Variants in UBAC2 observed in about 807,000 individuals in gnomAD.
UBAC2 encodes UBA domain containing 2.
In UBAC2, 26 loss-of-function variants were observed where a neutral mutation model predicts 44.0. The observed-to-expected ratio is 0.59, with a 90% CI of 0.43 to 0.82. The LOEUF (loss-of-function observed/expected upper bound fraction) is 0.82. Among genes scored for constraint, UBAC2 ranks in the 40% least tolerant of loss-of-function variants. UBAC2 has a pLI of 0.00. For synonymous variants in UBAC2, 155 were observed against 154.3 expected (o/e 1.00, Z -0.04); for missense variants, 329 against 419.4 (o/e 0.78, Z 1.88).
At chr13:99,351,830 T>A (rs2045095139) in intron 7 of UBAC2, 1 of 453,562 alleles carries the variant, frequency 2.2e-6, no homozygotes, top group East Asian at 7.0e-5. Context: ...CCTCCTCATC[T>A]CATTGGGCTG....
At chr13:99,355,558 C>G (rs1038699071) in intron 7 of UBAC2, among the ~76,000 whole-genome samples, 1 of 152,246 alleles carries the variant, frequency 6.6e-6, no homozygotes, top group Non-Finnish European at 1.5e-5. Context: ...CTCACCACCA[C>G]CTCCTCCTCA....
intron 1 of UBAC2, chr13:99,201,508 G>A (rs2043217826): frequency 6.2e-7 from 1 of 1,614,200 alleles, no homozygotes; most frequent in Non-Finnish European, 8.5e-7. Context: ...TCGTGGCGAG[G>A]GAGCGCAGCT....
intron 8 of UBAC2, among the ~76,000 whole-genome samples, chr13:99,368,283 T>G (rs1339750379): frequency 1.3e-5 from 2 of 152,198 alleles, no homozygotes; most frequent in African/African-American, 4.8e-5. Flanking sequence ...TGAGTCATGT[T>G]AATGTTTTAC....
chr13:99,297,128 T>C (rs550780695), intron 4 of UBAC2, among the ~76,000 whole-genome samples: 1 of 152,336 alleles, frequency 6.6e-6, no homozygotes, highest in South Asian at 2.1e-4. Flanking sequence ...TTTCCAATTC[T>C]TTTCTTGTTA....
At chr13:99,361,346 A>G (rs547656374) in intron 7 of UBAC2, among the ~76,000 whole-genome samples, 1 of 152,350 alleles carries the variant, frequency 6.6e-6, no homozygotes, top group Non-Finnish European at 1.5e-5. Flanking sequence ...AACCCTACGT[A>G]AAGAGCAGAT....
At chr13:99,237,599 A>G (rs529531780) in intron 1 of UBAC2, among the ~76,000 whole-genome samples, 2 of 152,364 alleles carry the variant, frequency 1.3e-5, no homozygotes, top group South Asian at 4.1e-4. Flanking sequence ...ACACTAATCT[A>G]TCGTACGTTT....
chr13:99,214,038 C>T (rs760211495), intron 1 of UBAC2, among the ~76,000 whole-genome samples: 1 of 151,816 alleles, frequency 6.6e-6, no homozygotes, highest in Admixed American at 6.6e-5. Context: ...AGGCTGGTCT[C>T]GAACTCCCAA....
chr13:99,321,593 G>T (rs373789570), intron 6 of UBAC2, among the ~76,000 whole-genome samples: 2 of 152,206 alleles, frequency 1.3e-5, no homozygotes, highest in Non-Finnish European at 2.9e-5. Context: ...GTGAGCCACC[G>T]TGTCTGGCCT....
intron 4 of UBAC2, chr13:99,256,236 G>A (rs549874977): frequency 6.1e-6 from 1 of 163,474 alleles, no homozygotes; most frequent in East Asian, 1.7e-4. Context: ...ACTCTAGTTT[G>A]TAATTCTCTA....
At position 99,367,767 on chromosome 13, in the gene UBAC2, G is replaced by A. The variant is rs767841085; in HGVS notation, c.808-20G>A. On this transcript the variant is annotated intron_variant, in intron 7 of 8. Transcript: ENST00000403766. ...TCTGCTCCTTCTGTGTCTGATAACT[G>A]TGTGTTGATCTCTTTTTAGGGAGGA... 1.2e-6 allele frequency: 2 copies of A among 1,613,878 alleles called. No homozygotes were observed. The highest frequency in any genetic ancestry group is 1.7e-6 in the Non-Finnish European group (2 of 1,179,840).
Position 99,385,410 on chromosome 13 carries a change from G to A in UBAC2, c.*75G>A. ...TGGTCCCCACCATCAGATCAGCCCGGGGACCGAGCATCTCTGGTGCTGATG... is the reference window on the plus strand; with the variant it reads ...TGGTCCCCACCATCAGATCAGCCCGAGGACCGAGCATCTCTGGTGCTGATG... On this transcript the variant is annotated 3_prime_UTR_variant, in exon 9 of 9. Coordinates refer to ENST00000403766, the MANE Select transcript of UBAC2 (RefSeq NM_001144072.2). 1 of 1,225,492 alleles carries A rather than the reference G, an allele frequency of 8.2e-7. No homozygotes were observed. 75.9% of individuals were successfully genotyped at this position (1,225,492 alleles called of 1,614,324 possible). A position where few individuals can be genotyped will look rare whatever the true frequency, so the allele number is the denominator to read the frequency against.
At chr13:99,349,036 C>T (rs2138851653) in intron 7 of UBAC2, among the ~76,000 whole-genome samples, 1 of 152,222 alleles carries the variant, frequency 6.6e-6, no homozygotes, top group Admixed American at 6.5e-5. Context: ...ATTCTGTGTG[C>T]TCAGGATATT....
chr13:99,360,462 A>T (rs1024168408), intron 7 of UBAC2, among the ~76,000 whole-genome samples: 1 of 152,242 alleles, frequency 6.6e-6, no homozygotes, highest in Admixed American at 6.5e-5. Flanking sequence ...TTGAAAATGC[A>T]TCTAAGGTGT....
At chr13:99,287,643 CTTT>C (rs11304203) in intron 4 of UBAC2, among the ~76,000 whole-genome samples, 1 of 95,152 alleles carries the variant, frequency 1.1e-5, no homozygotes, top group Non-Finnish European at 2.0e-5. Context: ...TTTTTTCTTT[CTTT>C]TTTTTTTTTT....
At chr13:99,244,446 A>G in intron 3 of UBAC2, 69 bp from the exon 4 acceptor site, 3 of 1,100,178 alleles carry the variant, frequency 2.7e-6, no homozygotes, top group Non-Finnish European at 4.1e-6. Flanking sequence ...AGCTGATTCT[A>G]GCTGAATAAA....
At chr13:99,299,928 C>G (rs2044233632) in intron 4 of UBAC2, among the ~76,000 whole-genome samples, 1 of 152,230 alleles carries the variant, frequency 6.6e-6, no homozygotes, top group Admixed American at 6.5e-5. Context: ...CTAGATCCCT[C>G]TCTGTGATGA....
At chr13:99,296,216 G>T in intron 4 of UBAC2, 1 of 1,414,514 alleles carries the variant, frequency 7.1e-7, no homozygotes, top group South Asian at 1.5e-5. Flanking sequence ...TATTCAGTTT[G>T]ATTACTCATT....
At chr13:99,367,292 G>C (rs565744999) in intron 7 of UBAC2, among the ~76,000 whole-genome samples, 11 of 152,180 alleles carry the variant, frequency 7.2e-5, no homozygotes, top group Non-Finnish European at 1.5e-4. Flanking sequence ...GTGCGCTCAG[G>C]ATTTACTTCA....
Position 99,260,166 on chromosome 13 carries a change from C to T in UBAC2, c.389+15542C>T, listed in dbSNP as rs181155944. 1.2e-4 allele frequency among the ~76,000 whole-genome samples: 18 copies of T among 152,244 alleles called. No homozygotes were observed. In the East Asian group the frequency reaches 1.4e-3, roughly 11 times the overall value. On this transcript the variant is annotated intron_variant, in intron 4 of 8. Transcript: ENST00000403766. Reference sequence around the variant, plus strand: ...TTTTCAGGAAGCTTTCTCTGCCATCCGAAGCTGGGCTGGTTTCTCTGCCCT... The same window carrying T: ...TTTTCAGGAAGCTTTCTCTGCCATCTGAAGCTGGGCTGGTTTCTCTGCCCT...
Sources: allele counts gnomAD v4.1 joint callset (sites outside exome capture counted in the v4.1 genomes callset), GRCh38; gene constraint gnomAD v4.1.1; transcripts MANE v1.5; gene names NCBI Gene and HGNC (gene_info 2026-07-23, HGNC 2026-07-21).